The following GPBP1 variants were observed in gnomAD, a reference collection of about 807,000 sequenced individuals.
The protein encoded by GPBP1 is GC-rich promoter binding protein 1.
GPBP1 carries 13 observed loss-of-function variants against 56.5 expected under a neutral mutation model. The observed-to-expected ratio is 0.23, with a 90% confidence interval of 0.15 to 0.37. GPBP1 has a LOEUF of 0.37. Ranked by LOEUF, GPBP1 falls within the 10% of genes least tolerant of loss-of-function variation. GPBP1 has a pLI of 1.00. For missense variants in GPBP1, 477 were observed against 572.3 expected (o/e 0.83, Z 1.70); for synonymous variants, 204 against 188.9 (o/e 1.08, Z -0.66).
At chr5:57,249,232 T>C (rs186704127) in intron 8 of GPBP1, 177 bp from the exon 9 acceptor site, 2 of 468,722 alleles carry the variant, frequency 4.3e-6, no homozygotes, top group Non-Finnish European at 7.6e-6. Context: ...GAAAATTATT[T>C]TGTTGACTCA....
chr5:57,262,373 G>C (rs1164282384), intron 11 of GPBP1, among the ~76,000 whole-genome samples: 1 of 152,134 alleles, frequency 6.6e-6, no homozygotes, highest in African/African-American at 2.4e-5. Context: ...TATTACAGTT[G>C]TCACTTGAGG....
At chr5:57,255,931 A>C (rs566702485) in intron 10 of GPBP1, among the ~76,000 whole-genome samples, 1 of 152,108 alleles carries the variant, frequency 6.6e-6, no homozygotes, top group South Asian at 2.1e-4. Flanking sequence ...GAAAATGGAG[A>C]GGATGAGATT....
intron 8 of GPBP1, chr5:57,248,914 A>G (rs180780659): frequency 1.3e-5 from 2 of 152,506 alleles, no homozygotes; most frequent in Non-Finnish European, 2.9e-5. Flanking sequence ...TTTGTGTTCC[A>G]CTGTCAAAAC....
intron 5 of GPBP1, among the ~76,000 whole-genome samples, 165 bp downstream of exon 5, chr5:57,231,486 T>C (rs917392281): frequency 1.2e-4 from 19 of 152,168 alleles, no homozygotes; most frequent in Admixed American, 9.8e-4. Context: ...TTGGCCAGGC[T>C]GGTCTTGAAC....
At position 57,261,113 on chromosome 5, in the gene GPBP1, T is replaced by C; in HGVS notation, c.1161-67T>C. 4.1e-6 allele frequency: 4 copies of C among 972,044 alleles called. No individual in the cohort carries two copies. In the South Asian group the frequency reaches 5.4e-5, roughly 13 times the overall value. The allele number at this position is 972,044 out of a possible 1,614,324, so 60.2% of individuals were successfully genotyped here. A position where few individuals can be genotyped will look rare whatever the true frequency, so the allele number is the denominator to read the frequency against. ...CTGGTGGATCATGTTTTCTTATACA[T>C]AATGTAAATGATACTGTCCTACTCA... On this transcript the variant is annotated intron_variant, in intron 10 of 11. Transcript: ENST00000506184.
At chr5:57,193,864 T>G (rs1754635913) in intron 2 of GPBP1, among the ~76,000 whole-genome samples, 1 of 152,156 alleles carries the variant, frequency 6.6e-6, no homozygotes. Context: ...TAAAATTGTT[T>G]TGAATTTATG....
At chr5:57,215,678 C>A (rs1488856471) in intron 3 of GPBP1, among the ~76,000 whole-genome samples, 8 of 152,374 alleles carry the variant, frequency 5.3e-5, no homozygotes, top group Admixed American at 1.3e-4. Flanking sequence ...TATTTTCTTA[C>A]TACCAGTATC....
intron 2 of GPBP1, among the ~76,000 whole-genome samples, chr5:57,181,434 CAA>C (rs11417693): frequency 1.5e-4 from 20 of 131,840 alleles, no homozygotes; most frequent in Admixed American, 1.5e-4. Flanking sequence ...AAGACTGTGT[CAA>C]AAAAAAAAAA....
rs547773861 is a variant in GPBP1 at position 57,246,091 on chromosome 5, A to T, written c.479-209A>T. 3 of 430,032 alleles carry T rather than the reference A, an allele frequency of 7.0e-6. No individual in the cohort carries two copies. In the East Asian group the frequency reaches 1.0e-4, roughly 14 times the overall value. 26.6% of individuals were successfully genotyped at this position (430,032 alleles called of 1,614,324 possible). ...TATCTGTATTACTTGACATTGCCCA[A>T]TTCTTCCTATATTCTGTGGGATAAT... On this transcript the variant is annotated intron_variant, in intron 6 of 11. Coordinates refer to ENST00000506184, the MANE Select transcript of GPBP1 (RefSeq NM_022913.4).
At chr5:57,253,306 A>G (rs978800974) in intron 10 of GPBP1, among the ~76,000 whole-genome samples, 3 of 152,228 alleles carry the variant, frequency 2.0e-5, no homozygotes, top group East Asian at 3.8e-4. Context: ...ATTGCTTTGT[A>G]TAAACTGATT....
chr5:57,217,623 T>C (rs972454584), intron 3 of GPBP1, among the ~76,000 whole-genome samples: 7 of 152,110 alleles, frequency 4.6e-5, no homozygotes, highest in African/African-American at 1.7e-4. Context: ...TGGTCAAAGA[T>C]CTACCTGTAA....
intron 2 of GPBP1, among the ~76,000 whole-genome samples, chr5:57,199,796 T>C (rs1021386482): frequency 1.3e-5 from 2 of 152,108 alleles, no homozygotes; most frequent in African/African-American, 4.8e-5. Flanking sequence ...TTTCTCATAC[T>C]GCTGTGTGCT....
At chr5:57,209,465 C>G (rs1755382889) in intron 2 of GPBP1, among the ~76,000 whole-genome samples, 1 of 152,256 alleles carries the variant, frequency 6.6e-6, no homozygotes, top group East Asian at 1.9e-4. Context: ...TGTGGTGGCT[C>G]AGGATGCCTT....
intron 11 of GPBP1, among the ~76,000 whole-genome samples, 184 bp downstream of exon 11, chr5:57,261,466 T>C (rs569038803): frequency 2.0e-5 from 3 of 152,068 alleles, no homozygotes. Flanking sequence ...CTAGAACTCC[T>C]GGGTGCCAGG....
chr5:57,205,544 T>C (rs770104109), intron 2 of GPBP1, among the ~76,000 whole-genome samples: 30 of 152,028 alleles, frequency 2.0e-4, no homozygotes, highest in Non-Finnish European at 4.1e-4. Flanking sequence ...TATATAAGGG[T>C]TCTGGTTTTT....
At chr5:57,236,490 T>TA (rs1756669491) in intron 6 of GPBP1, among the ~76,000 whole-genome samples, 1 of 152,184 alleles carries the variant, frequency 6.6e-6, no homozygotes, top group Non-Finnish European at 1.5e-5. Context: ...TATAGACTGT[T>TA]ACAGATAATT....
intron 2 of GPBP1, among the ~76,000 whole-genome samples, chr5:57,183,709 A>C (rs889004980): frequency 6.6e-6 from 1 of 152,188 alleles, no homozygotes; most frequent in African/African-American, 2.4e-5. Context: ...TTTTTGTATT[A>C]AAATTAACAT....
chr5:57,247,300 A>G, intron 8 of GPBP1, 85 bp downstream of exon 8: 1 of 1,080,546 alleles, frequency 9.3e-7, no homozygotes, highest in Non-Finnish European at 1.3e-6. Context: ...AATTCATTAA[A>G]TGAATACATT....
Position 57,247,366 on chromosome 5 carries a change from A to G in GPBP1, c.804+151A>G, listed in dbSNP as rs144420221. On this transcript the variant is annotated intron_variant, in intron 8 of 11. Transcript: ENST00000506184. ...ATTCATTTACTTCATTTGTTAACCA[A>G]TTTTGCACTTTGGGAAAGTAGGAAT... is the stretch of plus-strand genomic sequence containing the variant. The G allele has an allele frequency of 3.1e-3, 2,055 of 669,522 alleles. 46 individuals carry two copies. In the East Asian group the frequency reaches 0.047, roughly 15 times the overall value. 41.5% of individuals were successfully genotyped at this position (669,522 alleles called of 1,614,324 possible).
Sources: gnomAD v4.1 joint callset for allele counts (sites outside exome capture counted in the v4.1 genomes callset) on GRCh38, gnomAD v4.1.1 for gene constraint, MANE v1.5 for transcripts, NCBI Gene and HGNC (gene_info 2026-07-23, HGNC 2026-07-21) for gene names.